Variants in DOCK9 observed in about 807,000 individuals in gnomAD.
The protein encoded by DOCK9 is dedicator of cytokinesis 9.
In DOCK9, 89 loss-of-function variants were observed where a neutral mutation model predicts 263.3. The ratio of observed to expected loss-of-function variants is 0.34; its 90% CI spans 0.28 to 0.40. DOCK9 has a LOEUF of 0.40. DOCK9 is among the 10% of genes least tolerant of loss of function. The pLI is 1.00. For synonymous variants in DOCK9, 976 were observed against 973.1 expected (o/e 1.00, Z -0.06); for missense variants, 2,140 against 2,603.4 (o/e 0.82, Z 3.87).
chr13:99,051,302 T>G (rs549319642), intron 1 of DOCK9, among the ~76,000 whole-genome samples: 5 of 152,196 alleles, frequency 3.3e-5, no homozygotes, highest in Admixed American at 1.3e-4. Context: ...GCTCTTTGCT[T>G]TACTGATTTC....
chr13:98,855,088 G>A (rs1445742970), intron 34 of DOCK9, among the ~76,000 whole-genome samples: 4 of 152,206 alleles, frequency 2.6e-5, no homozygotes, highest in Admixed American at 2.6e-4. Context: ...AATGGTCTGA[G>A]CACTTAGTAG....
At chr13:99,085,598 C>A (rs149386904) in intron 1 of DOCK9, among the ~76,000 whole-genome samples, 41 of 152,268 alleles carry the variant, frequency 2.7e-4, no homozygotes, top group Admixed American at 4.6e-4. Flanking sequence ...GGAATTTGCA[C>A]CAATACTAAA....
chr13:98,959,927 G>A (rs929211714), intron 1 of DOCK9, among the ~76,000 whole-genome samples: 2 of 152,126 alleles, frequency 1.3e-5, no homozygotes, highest in Non-Finnish European at 2.9e-5. Context: ...CTTCAGCCCC[G>A]CTAAGCTTTT....
intron 10 of DOCK9, among the ~76,000 whole-genome samples, chr13:98,903,994 T>C (rs1196109175): frequency 1.3e-5 from 2 of 152,164 alleles, no homozygotes; most frequent in Non-Finnish European, 2.9e-5. Context: ...AGGTTATCAT[T>C]TGATACAAAG....
intron 1 of DOCK9, among the ~76,000 whole-genome samples, chr13:99,035,589 C>A (rs920437547): frequency 6.6e-6 from 1 of 152,174 alleles, no homozygotes. Flanking sequence ...TGGAAAATGG[C>A]AGAGCAACAA....
chr13:98,974,748 CA>C (rs57196019), intron 1 of DOCK9, among the ~76,000 whole-genome samples: 1,954 of 33,014 alleles, frequency 0.059, 8 homozygotes, highest in South Asian at 0.084. Flanking sequence ...AACTCTGTCT[CA>C]AAAAAAAAAA....
intron 52 of DOCK9, 52 bp from the exon 53 acceptor site, chr13:98,794,800 C>A (rs1275961754): frequency 6.3e-7 from 1 of 1,597,938 alleles, no homozygotes; most frequent in Admixed American, 1.7e-5. Flanking sequence ...TTACCATATG[C>A]AATGCCATGT....
chr13:99,027,958 G>A (rs1886945712), intron 1 of DOCK9, among the ~76,000 whole-genome samples: 1 of 152,216 alleles, frequency 6.6e-6, no homozygotes, highest in African/African-American at 2.4e-5. Flanking sequence ...CATTCTGAAA[G>A]ATGGAGTTCT....
In DOCK9 at chr13:98,861,240, C is replaced by G. The variant is rs376765395; in HGVS notation, c.3580-718G>C. ...CAGCCACACATGCACAAACGCTATA[C>G]ACACGGCTCAGCTCAGTGTAATGTT... is the stretch of plus-strand genomic sequence containing the variant. On this transcript the variant is annotated intron_variant, in intron 32 of 52. Coordinates refer to ENST00000682017, the MANE Select transcript of DOCK9 (RefSeq NM_001366683.2). Among the ~76,000 whole-genome samples the G allele has an allele frequency of 9.9e-5, 15 of 152,280 alleles. No homozygotes were observed. In the East Asian group the frequency reaches 2.9e-3, roughly 29 times the overall value.
intron 1 of DOCK9, among the ~76,000 whole-genome samples, chr13:99,057,124 G>GACCC (rs1358970344): frequency 6.6e-6 from 1 of 152,134 alleles, no homozygotes; most frequent in Non-Finnish European, 1.5e-5. Flanking sequence ...TGAAGGCTGG[G>GACCC]ACCCCCTCAA....
chr13:99,023,495 G>C (rs1393000723), intron 1 of DOCK9, among the ~76,000 whole-genome samples: 2 of 152,350 alleles, frequency 1.3e-5, no homozygotes, highest in African/African-American at 4.8e-5. Flanking sequence ...TAAGGGGTTA[G>C]TGTTTAATGG....
chr13:98,957,318 T>G (rs1343514978), intron 1 of DOCK9, among the ~76,000 whole-genome samples: 4 of 152,212 alleles, frequency 2.6e-5, no homozygotes, highest in African/African-American at 9.6e-5. Flanking sequence ...GAAGTAGCAG[T>G]CAACTTGCTT....
intron 1 of DOCK9, among the ~76,000 whole-genome samples, chr13:99,080,299 G>A (rs567292204): frequency 3.9e-5 from 6 of 151,912 alleles, no homozygotes; most frequent in Non-Finnish European, 7.4e-5. Flanking sequence ...TCCCTTCCAC[G>A]TCACACCTCC....
chr13:98,895,522 A>G (rs1595075533), intron 15 of DOCK9, among the ~76,000 whole-genome samples: 1 of 151,790 alleles, frequency 6.6e-6, no homozygotes, highest in Non-Finnish European at 1.5e-5. Context: ...AAAATTAGCC[A>G]GGCGTAGTGG....
chr13:98,852,433 GT>G (rs1374072574), intron 35 of DOCK9, among the ~76,000 whole-genome samples: 2 of 152,064 alleles, frequency 1.3e-5, no homozygotes, highest in African/African-American at 2.4e-5. Flanking sequence ...CTTGGCTGGG[GT>G]TGGGGAAAAA....
chr13:98,996,517 C>T lies in DOCK9; in HGVS notation c.130-40966G>A, dbSNP rs141057055. ...CAGGTCCTTACATTACCCATATATT[C>T]CAATAATCTATTTCAAAATCAAAGA... On this transcript the variant is annotated intron_variant, in intron 1 of 32. Coordinates refer to the DOCK9 transcript ENST00000427887. 5.3e-5 allele frequency among the ~76,000 whole-genome samples: 8 copies of T among 152,350 alleles called. No individual in the cohort carries two copies. The East Asian group carries it at 1.3e-3, about 26-fold the overall frequency.
At chr13:98,894,807 C>A (rs892104438) in intron 15 of DOCK9, among the ~76,000 whole-genome samples, 3 of 151,424 alleles carry the variant, frequency 2.0e-5, no homozygotes, top group South Asian at 4.2e-4. Context: ...AAATCAGAAA[C>A]ACATTAAAAG....
At chr13:99,043,591 CA>C (rs1313785918) in intron 1 of DOCK9, among the ~76,000 whole-genome samples, 1 of 152,074 alleles carries the variant, frequency 6.6e-6, no homozygotes, top group African/African-American at 2.4e-5. Context: ...GGGAGGCTGC[CA>C]AACAGGTCCA....
Position 98,863,180 on chromosome 13 carries a change from C to A in DOCK9, c.3466-48G>T, listed in dbSNP as rs200653592. On this transcript the variant is annotated intron_variant, in intron 31 of 52. Coordinates refer to ENST00000682017, the MANE Select transcript of DOCK9 (RefSeq NM_001366683.2). The stretch of plus-strand genomic sequence containing the variant: ...AAGTTTGACCCAGGATTCTGAGAAC[C>A]GAACTAAGTTGGTGCTGACCATCTC... The A allele has an allele frequency of 4.1e-5, 64 of 1,545,316 alleles. 1 individual carries two copies. In the Admixed American group the frequency reaches 7.2e-4, roughly 17 times the overall value.
Sources: gnomAD v4.1 joint callset for allele counts (sites outside exome capture counted in the v4.1 genomes callset) on GRCh38, gnomAD v4.1.1 for gene constraint, MANE v1.5 for transcripts, NCBI Gene and HGNC (gene_info 2026-07-23, HGNC 2026-07-21) for gene names.